The following CIB1 variants were observed in gnomAD, a reference collection of about 807,000 sequenced individuals.
CIB1 encodes calcium and integrin binding 1, also known as calcium and integrin-binding protein 1.
In CIB1, 19 loss-of-function variants were observed where a neutral mutation model predicts 25.0. The observed-to-expected ratio is 0.76, with a 90% CI of 0.53 to 1.12. CIB1 has a LOEUF of 1.12. Ranked by LOEUF, CIB1 falls within the 50% of genes most tolerant of loss-of-function variation. The probability of loss-of-function intolerance (pLI) is 0.00; values close to 1 mark genes in which losing one functional copy is unlikely to be tolerated. For synonymous variants in CIB1, 104 were observed against 98.5 expected (o/e 1.06, Z -0.33); for missense variants, 236 against 242.6 (o/e 0.97, Z 0.18).
chr15:90,264,001 T>C, the CIB1 span: 11 of 1,535,978 alleles, frequency 7.2e-6, 1 homozygote, highest in Middle Eastern at 3.3e-4. Context: ...CTGTTCATTG[T>C]CAATGAAGAA....
At chr15:90,258,850 A>T in the CIB1 span, 1 of 1,614,176 alleles carries the variant, frequency 6.2e-7, no homozygotes, top group Non-Finnish European at 8.5e-7. Flanking sequence ...GCTGTGACAA[A>T]AGGAAGGTGA....
chr15:90,256,555 TTCTTTC>T, the CIB1 span, among the ~76,000 whole-genome samples: 5 of 38,954 alleles, frequency 1.3e-4, no homozygotes, highest in Non-Finnish European at 5.1e-5. Context: ...TTTTCTTTCT[TTCTTTC>T]TTTCTTTCTT....
Position 90,231,388 on chromosome 15 carries a change from G to A in CIB1, c.315C>T (p.Asp105=), listed in dbSNP as rs1448183390. The change falls in exon 4 of 7, where the codon GAC becomes GAT. Residue 105 remains aspartate, a synonymous_variant. Transcript: ENST00000328649. The part of the protein sequence containing the change: ...LSVFSDTATP[D]IKSHYAFRIF... The stretch of plus-strand genomic sequence containing the variant: ...TGCGGAAGGCATAATGGGACTTGAT[G>A]TCTGGCGTGGCTGTGTCACTGAACA... 2.5e-6 allele frequency: 4 copies of A among 1,614,226 alleles called. No individual in the cohort carries two copies. Among genetic ancestry groups the A allele is most frequent in the Admixed American group, 1.7e-5 (1 of 60,024 alleles).
At chr15:90,249,534 CG>C in the CIB1 span, 41,847 of 152,192 alleles carry the variant, frequency 0.27, 6,650 homozygotes, top group East Asian at 0.69. Context: ...TCCATGGCAA[CG>C]GCGGCGGCCA....
At chr15:90,262,540 G>A in the CIB1 span, 18 of 1,529,680 alleles carry the variant, frequency 1.2e-5, no homozygotes, top group African/African-American at 5.5e-5. Flanking sequence ...AGGAGACCTC[G>A]GGCACTAAGA....
chr15:90,230,790 G>A (rs374427046), intron 6 of CIB1, 144 bp downstream of exon 6: 270 of 802,752 alleles, frequency 3.4e-4, no homozygotes, highest in South Asian at 2.3e-3. Flanking sequence ...TGCCCGGGGC[G>A]AGACTGCCAG....
At chr15:90,259,528 T>G in the CIB1 span, among the ~76,000 whole-genome samples, 1 of 152,346 alleles carries the variant, frequency 6.6e-6, no homozygotes, top group Non-Finnish European at 1.5e-5. Context: ...CATATGTATA[T>G]AGTACGCATT....
chr15:90,241,253 G>A, the CIB1 span: 1 of 1,614,196 alleles, frequency 6.2e-7, no homozygotes, highest in South Asian at 1.1e-5. Flanking sequence ...TCAAGAGTGT[G>A]AGGCAGGCAT....
the CIB1 span, chr15:90,258,073 A>G: frequency 3.7e-6 from 6 of 1,614,208 alleles, no homozygotes; most frequent in Non-Finnish European, 5.1e-6. Flanking sequence ...CTGCAAGAGC[A>G]CAGCTACAAC....
chr15:90,244,313 G>A, the CIB1 span: 1 of 152,208 alleles, frequency 6.6e-6, no homozygotes, highest in Non-Finnish European at 1.5e-5. Context: ...TCTTGATGTA[G>A]ACACAAAATC....
chr15:90,245,104 A>G, the CIB1 span: 1 of 152,252 alleles, frequency 6.6e-6, no homozygotes, highest in Non-Finnish European at 1.5e-5. Flanking sequence ...AGTTTTCATT[A>G]GAGGTTTTAC....
chr15:90,255,892 G>A, the CIB1 span: 2 of 1,614,186 alleles, frequency 1.2e-6, no homozygotes, highest in South Asian at 1.1e-5. Flanking sequence ...CAGAGTGAGT[G>A]GGTCTGGCTT....
chr15:90,251,216 C>A, the CIB1 span, among the ~76,000 whole-genome samples: 35,989 of 142,630 alleles, frequency 0.25, 5,683 homozygotes, highest in East Asian at 0.67. Flanking sequence ...CGGGTTCAGG[C>A]CATTCTCCTG....
At chr15:90,251,280 ATTT>A in the CIB1 span, among the ~76,000 whole-genome samples, 19 of 109,510 alleles carry the variant, frequency 1.7e-4, no homozygotes, top group South Asian at 2.1e-3. Context: ...CGCATGGCAA[ATTT>A]TTTTTTTTTT....
At chr15:90,245,469 T>C in the CIB1 span, 1 of 73,174 alleles carries the variant, frequency 1.4e-5, no homozygotes, top group African/African-American at 7.6e-5. Context: ...AGAGACTTTG[T>C]CTCAAAAAAA....
At chr15:90,246,647 G>A in the CIB1 span, among the ~76,000 whole-genome samples, 3 of 151,364 alleles carry the variant, frequency 2.0e-5, no homozygotes, top group Admixed American at 6.6e-5. Context: ...AATTAGCCCC[G>A]TGTGGTGGCA....
the CIB1 span, chr15:90,241,390 C>A: frequency 1.2e-6 from 2 of 1,613,992 alleles, no homozygotes; most frequent in Admixed American, 1.7e-5. Context: ...AACGTCAGCC[C>A]CCTGGAGTGG....
Position 90,231,196 on chromosome 15 carries a change from T to C in CIB1, c.364A>G (p.Thr122Ala), listed in dbSNP as rs773449398. 6.2e-7 allele frequency: 1 copy of C among 1,604,438 alleles called. No individual in the cohort carries two copies. Among genetic ancestry groups the C allele is most frequent in the South Asian group, 1.1e-5 (1 of 90,366 alleles). ...CGGCTCAGGTCTTCTCTGTTCAAGGTTCCGTCATCATCAAAGTCTAGAGAG... is the reference window on the plus strand; with the variant it reads ...CGGCTCAGGTCTTCTCTGTTCAAGGCTCCGTCATCATCAAAGTCTAGAGAG... ...FRIFDFDDDG[T>A]LNREDLSRLV... The change falls in exon 5 of 7, where the codon ACC becomes GCC. Residue 122 changes from threonine to alanine, a missense_variant. By Grantham distance (58) the Thr-to-Ala change is moderately conservative. Coordinates refer to ENST00000328649, the MANE Select transcript of CIB1 (RefSeq NM_006384.4).
the CIB1 span, among the ~76,000 whole-genome samples, chr15:90,254,201 TTA>T: frequency 0.038 from 4,173 of 110,662 alleles, 195 homozygotes; most frequent in African/African-American, 0.14. Context: ...TTTTTTTTTT[TTA>T]AAAAAAAAAG....
Sources: gnomAD v4.1 joint callset for allele counts (sites outside exome capture counted in the v4.1 genomes callset) on GRCh38, gnomAD v4.1.1 for gene constraint, MANE v1.5 for transcripts, NCBI Gene and HGNC (gene_info 2026-07-23, HGNC 2026-07-21) for gene names.